The following SP110 variants were observed in gnomAD, a reference collection of about 807,000 sequenced individuals.
SP110 encodes interferon-induced protein 41, 30kD.
Under a neutral mutation model 92.7 loss-of-function variants are expected in SP110, and 62 were observed. The ratio of observed to expected loss-of-function variants is 0.67; its 90% CI spans 0.55 to 0.83. The LOEUF (loss-of-function observed/expected upper bound fraction) is 0.83, where lower values mean the gene tolerates loss of function less well. Ranked by LOEUF, SP110 falls within the 40% of genes least tolerant of loss-of-function variation. The pLI is 0.00. For missense variants in SP110, 793 were observed against 863.9 expected, an observed-to-expected ratio of 0.92 and a Z score of 1.03; for synonymous variants, 273 against 305.3, an observed-to-expected ratio of 0.89 and a Z score of 1.10.
At chr2:230,210,333 G>A (rs985104799) in intron 6 of SP110, among the ~76,000 whole-genome samples, 2 of 152,210 alleles carry the variant, frequency 1.3e-5, no homozygotes, top group African/African-American at 4.8e-5. Flanking sequence ...ACTGTGCTGG[G>A]TATCATGACT....
rs41309096 is a variant in SP110 at position 230,212,439 on chromosome 2, G to A, written c.584-9C>T. ...TAACTTGTCATTGGTCACTGAAGGA[G>A]GAAAGGAAATTATTACAGATTGCAG... On this transcript the variant is annotated splice_polypyrimidine_tract_variant and intron_variant, in intron 4 of 18. Transcript: ENST00000258381. 0.25 allele frequency: 392,803 copies of A among 1,582,472 alleles called. 50,454 individuals are homozygous for A. Among genetic ancestry groups the A allele is most frequent in the African/African-American group, 0.34 (25,398 of 74,430 alleles).
intron 1 of SP110, among the ~76,000 whole-genome samples, chr2:230,225,362 A>T (rs543007322): frequency 6.6e-6 from 1 of 152,254 alleles, no homozygotes; most frequent in East Asian, 1.9e-4. Flanking sequence ...CCCTGGCCCC[A>T]TGTCCAAACA....
chr2:230,221,093 C>A (rs2045777620), upstream of SP110, among the ~76,000 whole-genome samples: 1 of 151,740 alleles, frequency 6.6e-6, no homozygotes, highest in African/African-American at 2.4e-5. Context: ...CCATCCTGGC[C>A]AACATGGTGA....
At chr2:230,178,347 G>A (rs969687304) in intron 12 of SP110, 92 bp from the exon 13 acceptor site, 3 of 765,004 alleles carry the variant, frequency 3.9e-6, no homozygotes, top group Admixed American at 2.0e-5. Context: ...TAATGTACAG[G>A]GTATTGGGGA....
At chr2:230,183,892 A>G (rs979408170) in intron 11 of SP110, among the ~76,000 whole-genome samples, 1 of 152,232 alleles carries the variant, frequency 6.6e-6, no homozygotes, top group Admixed American at 6.5e-5. Context: ...TACATTTACT[A>G]CAAATACTAG....
chr2:230,172,676 AGT>A (rs1462437359), intron 15 of SP110, 166 bp downstream of exon 15: 3 of 614,148 alleles, frequency 4.9e-6, no homozygotes, highest in Non-Finnish European at 8.8e-6. Context: ...GGGCAGAAGC[AGT>A]GTGGGGCCAA....
intron 2 of SP110, among the ~76,000 whole-genome samples, chr2:230,216,470 T>A (rs537775344): frequency 6.6e-6 from 1 of 152,308 alleles, no homozygotes; most frequent in East Asian, 1.9e-4. Context: ...CCTCAGGGCC[T>A]CTAGAAGGAA....
intron 7 of SP110, 65 bp downstream of exon 7, chr2:230,209,866 C>A: frequency 2.1e-6 from 2 of 935,216 alleles, no homozygotes; most frequent in South Asian, 2.6e-5. Flanking sequence ...AAGATACAGT[C>A]AGAAAAACAG....
intron 16 of SP110, 25 bp downstream of exon 16, chr2:230,172,041 G>C: frequency 7.4e-7 from 1 of 1,351,528 alleles, no homozygotes; most frequent in South Asian, 1.2e-5. Flanking sequence ...GAAAAGTATA[G>C]GTTTGGGGTT....
chr2:230,191,981 A>G (rs2081714), intron 10 of SP110, among the ~76,000 whole-genome samples: 116,229 of 152,102 alleles, frequency 0.76, 44,537 homozygotes, highest in Admixed American at 0.83. Flanking sequence ...TTGGTTCAAC[A>G]TACACAAATC....
intron 14 of SP110, 185 bp downstream of exon 14, chr2:230,177,353 T>C: frequency 1.4e-6 from 1 of 701,754 alleles, no homozygotes; most frequent in Non-Finnish European, 2.5e-6. Flanking sequence ...TTTAAAGTTC[T>C]CCACCATCAG....
At chr2:230,191,130 C>T (rs2042612445) in intron 10 of SP110, among the ~76,000 whole-genome samples, 1 of 152,170 alleles carries the variant, frequency 6.6e-6, no homozygotes, top group African/African-American at 2.4e-5. Flanking sequence ...CTCTGGGACA[C>T]AGCTAAAGCA....
intron 17 of SP110, chr2:230,170,987 C>T: frequency 3.3e-6 from 2 of 600,176 alleles, no homozygotes; most frequent in South Asian, 2.0e-5. Flanking sequence ...ATGCCCATTT[C>T]ATAGATGAGG....
chr2:230,215,089 G>T lies in SP110; in HGVS notation c.177C>A (p.Ile59=). Residue 59 remains isoleucine (I), a synonymous_variant, in exon 3 of 19, where the codon ATC becomes ATA. Transcript: ENST00000258381. ...TGTTGTGCACCACTCTGGATACAGG[G>T]ATCAAATTTCTACAGGCTTCCAGAG... ...MESLEACRNL[I]PVSRVVHNIL... 1 of 1,613,806 alleles carries T rather than the reference G, an allele frequency of 6.2e-7. No homozygotes were observed. Among genetic ancestry groups the T allele is most frequent in the Non-Finnish European group, 8.5e-7 (1 of 1,179,738 alleles).
At position 230,171,895 on chromosome 2, in the gene SP110, C is replaced by T. The variant is rs114309100; in HGVS notation, c.1816-128G>A. On this transcript the variant is annotated intron_variant, in intron 16 of 18. Transcript: ENST00000258381. ...AGCATTCCAGCCATGCTTCCCAAGGCGCACAGGGTGTGTGGGATTTTGTTT... is the reference window on the plus strand; with the variant it reads ...AGCATTCCAGCCATGCTTCCCAAGGTGCACAGGGTGTGTGGGATTTTGTTT... The T allele has an allele frequency of 4.0e-3, 3,501 of 865,138 alleles. 7 individuals are homozygous for T. The highest frequency in any genetic ancestry group is 5.4e-3 in the Non-Finnish European group (2,733 of 505,336). The allele number at this position is 865,138 out of a possible 1,614,324, so 53.6% of individuals were successfully genotyped here.
chr2:230,204,885 T>C (rs937806181), intron 8 of SP110, among the ~76,000 whole-genome samples: 1 of 152,054 alleles, frequency 6.6e-6, no homozygotes, highest in African/African-American at 2.4e-5. Context: ...CCAAAGAGAA[T>C]AGCACATGCC....
chr2:230,206,608 T>TGGTCC (rs2043865337), intron 8 of SP110, among the ~76,000 whole-genome samples: 2 of 55,688 alleles, frequency 3.6e-5, no homozygotes, highest in Admixed American at 1.8e-4. Context: ...TATATATATA[T>TGGTCC]ATATATATAT....
At chr2:230,182,526 T>C (rs1374603967) in intron 12 of SP110, among the ~76,000 whole-genome samples, 1 of 151,882 alleles carries the variant, frequency 6.6e-6, no homozygotes, top group Non-Finnish European at 1.5e-5. Flanking sequence ...GATAGGGGGA[T>C]TCACTTTGGG....
chr2:230,204,881 A>G (rs905292862), intron 8 of SP110, among the ~76,000 whole-genome samples: 1 of 152,172 alleles, frequency 6.6e-6, no homozygotes, highest in Admixed American at 6.5e-5. Context: ...GCATCCAAAG[A>G]GAATAGCACA....
Sources: gnomAD v4.1 joint callset for allele counts (sites outside exome capture counted in the v4.1 genomes callset) on GRCh38, gnomAD v4.1.1 for gene constraint, MANE v1.5 for transcripts, NCBI Gene and HGNC (gene_info 2026-07-23, HGNC 2026-07-21) for gene names.